ACKR3: variants seen among roughly 807,000 people sequenced by gnomAD.
The protein encoded by ACKR3 is atypical chemokine receptor 3, also known as C-X-C chemokine receptor type 7.
A neutral mutation model predicts 22.4 loss-of-function variants in ACKR3; 6 were observed. The ratio of observed to expected loss-of-function variants is 0.27; its 90% confidence interval spans 0.15 to 0.53. The LOEUF is 0.53. Ranked by LOEUF, ACKR3 falls within the 20% of genes least tolerant of loss-of-function variation. ACKR3 has a pLI of 0.96. For synonymous variants in ACKR3, 209 were observed against 205.2 expected, an observed-to-expected ratio of 1.02 and a Z score of -0.16; for missense variants, 396 against 475.2, an observed-to-expected ratio of 0.83 and a Z score of 1.55.
At chr2:236,579,909 C>T (rs1458683076) in intron 1 of ACKR3, among the ~76,000 whole-genome samples, 4 of 152,186 alleles carry the variant, frequency 2.6e-5, no homozygotes, top group Non-Finnish European at 5.9e-5. Context: ...AGTGCTGAGT[C>T]ACATTATAAA....
Position 236,581,753 on chromosome 2 carries a change from T to A in ACKR3, c.*199T>A. On this transcript the variant is annotated 3_prime_UTR_variant, in exon 2 of 2. Coordinates refer to ENST00000272928, the MANE Select transcript of ACKR3 (RefSeq NM_020311.3). This position sits in a 1 kb window ranked among gnomAD's most constrained non-coding sequence, Gnocchi z 4.4. ...ATTTGGCTGTGCGTGCTGACAGTTT[T>A]GCAACAGGCAGAGCTGTGTCGCACA... 1 of 667,098 alleles carries A rather than the reference T, an allele frequency of 1.5e-6. No individual in the cohort carries two copies. Among genetic ancestry groups the A allele is most frequent in the Non-Finnish European group, 2.5e-6 (1 of 403,904 alleles). 41.3% of individuals were successfully genotyped at this position (667,098 alleles called of 1,614,324 possible). A position where few individuals can be genotyped will look rare whatever the true frequency, so the allele number is the denominator to read the frequency against.
chr2:236,580,426 T>A lies in ACKR3; in HGVS notation c.-26-14T>A. 2 of 1,565,310 alleles carry A rather than the reference T, an allele frequency of 1.3e-6. No homozygotes were observed. The highest frequency in any genetic ancestry group is 1.7e-6 in the Non-Finnish European group (2 of 1,153,954). On this transcript the variant is annotated splice_polypyrimidine_tract_variant and intron_variant, in intron 1 of 1. Transcript: ENST00000272928. Reference sequence around the variant, plus strand: ...TCCTCTTCCATCTTTTTTGTTTGCTTGGTTTTCTCATAGGTCATTTGATTG... The same window carrying A: ...TCCTCTTCCATCTTTTTTGTTTGCTAGGTTTTCTCATAGGTCATTTGATTG...
At chr2:236,549,982 C>T in the ACKR3 span, among the ~76,000 whole-genome samples, 5,429 of 152,198 alleles carry the variant, frequency 0.036, 315 homozygotes, top group African/African-American at 0.12. The surrounding 1 kb of genome is among the most constrained non-coding windows in gnomAD (Gnocchi z 5.3). Flanking sequence ...ACTGTGAGGG[C>T]CTATGCTAAG....
intron 1 of ACKR3, among the ~76,000 whole-genome samples, chr2:236,572,393 G>C (rs1380078134): frequency 6.6e-6 from 1 of 152,222 alleles, no homozygotes; most frequent in African/African-American, 2.4e-5. Flanking sequence ...ACCACTGTTG[G>C]CAAAGGGACA....
At chr2:236,555,949 GA>G in the ACKR3 span, among the ~76,000 whole-genome samples, 4 of 152,128 alleles carry the variant, frequency 2.6e-5, no homozygotes. Context: ...AGCGTATTTA[GA>G]AACTAAGATC....
chr2:236,537,399 A>G, the ACKR3 span, among the ~76,000 whole-genome samples: 1 of 152,160 alleles, frequency 6.6e-6, no homozygotes, highest in Non-Finnish European at 1.5e-5. Flanking sequence ...GGCTCCATGA[A>G]TAGGCTTGGG....
the ACKR3 span, among the ~76,000 whole-genome samples, chr2:236,537,605 A>G: frequency 6.6e-6 from 1 of 152,210 alleles, no homozygotes; most frequent in African/African-American, 2.4e-5. Context: ...CTCTGTACAC[A>G]TTGAGACCTG....
At chr2:236,555,500 T>C in the ACKR3 span, among the ~76,000 whole-genome samples, 1 of 152,144 alleles carries the variant, frequency 6.6e-6, no homozygotes, top group Admixed American at 6.6e-5. Flanking sequence ...GAAATGGGAC[T>C]AGGAAAGAGA....
upstream of ACKR3, among the ~76,000 whole-genome samples, chr2:236,567,014 C>T (rs1202411644): frequency 1.3e-5 from 2 of 151,180 alleles, no homozygotes; most frequent in Admixed American, 6.6e-5. Flanking sequence ...CCCTTCCCTT[C>T]TTTTTCTTTT....
rs558720877 is a variant in ACKR3 at position 236,581,424 on chromosome 2, G to T, written c.959G>T (p.Arg320Leu). ...VNPVLYSFIN[R>L]NYRYELMKAF... The stretch of plus-strand genomic sequence containing the variant: ...CCTGTCCTCTACAGCTTCATCAATC[G>T]CAACTACAGGTACGAGCTGATGAAG... The change falls in exon 2 of 2, where the codon CGC (arginine) becomes CTC (leucine). Residue 320 changes from arginine to leucine, a missense_variant. Physicochemically the swap from Arg to Leu is moderately radical, Grantham distance 102. Transcript: ENST00000272928. This position sits in a 1 kb window ranked among gnomAD's most constrained non-coding sequence, Gnocchi z 4.4. 5 of 1,613,888 alleles carry T rather than the reference G, an allele frequency of 3.1e-6. No individual in the cohort carries two copies. The South Asian group carries it at 3.3e-5, about 11-fold the overall frequency.
At position 236,577,949 on chromosome 2, in the gene ACKR3, C is replaced by T. The variant is rs999754074; in HGVS notation, c.-26-2491C>T. ...GCGGTCCTCCATTCAAGCTCCTCTG[C>T]TCCCCGGGACTCTGGGGTCAGATGA... On this transcript the variant is annotated intron_variant, in intron 1 of 1. Transcript: ENST00000272928. This position sits in a 1 kb window ranked among gnomAD's most constrained non-coding sequence, Gnocchi z 5.6. Among the ~76,000 whole-genome samples the T allele has an allele frequency of 8.5e-5, 13 of 152,322 alleles. No individual in the cohort carries two copies. The East Asian group carries it at 2.1e-3, about 25-fold the overall frequency.
At chr2:236,560,314 G>T in the ACKR3 span, among the ~76,000 whole-genome samples, 5 of 126,926 alleles carry the variant, frequency 3.9e-5, no homozygotes, top group East Asian at 2.1e-4. Flanking sequence ...AGCACTTGTT[G>T]CCTTTTTTTT....
rs753805493 is a variant in ACKR3, at chr2:236,581,469, C to T, written c.1004C>T (p.Ser335Leu). Reference protein sequence around the residue: ...ELMKAFIFKYSAKTGLTKLID... With the variant: ...ELMKAFIFKYLAKTGLTKLID... Reference sequence around the variant, plus strand: ...ATGAAGGCCTTCATCTTCAAGTACTCGGCCAAAACAGGGCTCACCAAGCTC... The same window carrying T: ...ATGAAGGCCTTCATCTTCAAGTACTTGGCCAAAACAGGGCTCACCAAGCTC... The change falls in exon 2 of 2, where the codon TCG becomes TTG. Residue 335 changes from serine to leucine, a missense_variant. Transcript: ENST00000272928. This position sits in a 1 kb window ranked among gnomAD's most constrained non-coding sequence, Gnocchi z 4.4. The T allele has an allele frequency of 3.1e-6, 5 of 1,614,052 alleles. No homozygotes were observed. Among genetic ancestry groups the T allele is most frequent in the African/African-American group, 2.7e-5 (2 of 74,928 alleles).
chr2:236,549,993 G>A, the ACKR3 span, among the ~76,000 whole-genome samples: 1 of 152,182 alleles, frequency 6.6e-6, no homozygotes, highest in Non-Finnish European at 1.5e-5. The surrounding 1 kb of genome is among the most constrained non-coding windows in gnomAD (Gnocchi z 5.3). Flanking sequence ...CTATGCTAAG[G>A]CTGCCTGCTG....
At chr2:236,544,667 A>T in the ACKR3 span, among the ~76,000 whole-genome samples, 1 of 152,154 alleles carries the variant, frequency 6.6e-6, no homozygotes, top group Non-Finnish European at 1.5e-5. This position sits in a 1 kb window ranked among gnomAD's most constrained non-coding sequence, Gnocchi z 5.0. Flanking sequence ...GGTCCCCGGG[A>T]TTCTGGGCTG....
chr2:236,548,170 T>G, the ACKR3 span, among the ~76,000 whole-genome samples: 1 of 152,236 alleles, frequency 6.6e-6, no homozygotes, highest in Non-Finnish European at 1.5e-5. The surrounding 1 kb of genome is among the most constrained non-coding windows in gnomAD (Gnocchi z 4.3). Context: ...ATCCTGCTGT[T>G]TGTTGTTCCT....
rs201423512 is a variant in ACKR3 at position 236,581,327 on chromosome 2, C to T, written c.862C>T (p.Arg288Trp). 7.1e-5 allele frequency: 115 copies of T among 1,613,800 alleles called. No individual in the cohort carries two copies. The highest frequency in any genetic ancestry group is 3.7e-4 in the Admixed American group (22 of 60,012). ...CCTGCACTACATCCCTTTCACCTGC[C>T]GGCTGGAGCACGCCCTCTTCACGGC... ...SILHYIPFTC[R>W]LEHALFTALH... Residue 288 changes from arginine to tryptophan, a missense_variant, in exon 2 of 2, where the codon CGG becomes TGG. Arg to Trp is a moderately radical substitution (Grantham distance 101). Transcript: ENST00000272928. This position sits in a 1 kb window ranked among gnomAD's most constrained non-coding sequence, Gnocchi z 4.4.
chr2:236,570,621 G>T (rs1691289754), intron 1 of ACKR3, among the ~76,000 whole-genome samples: 1 of 152,152 alleles, frequency 6.6e-6, no homozygotes, highest in East Asian at 1.9e-4. Flanking sequence ...CTTCAATTGG[G>T]GTTGGGGGAA....
At chr2:236,547,552 C>T in the ACKR3 span, among the ~76,000 whole-genome samples, 1 of 152,140 alleles carries the variant, frequency 6.6e-6, no homozygotes, top group African/African-American at 2.4e-5. Context: ...GTAGTGGAAC[C>T]TTTTGAGAAG....
Sources: allele counts gnomAD v4.1 joint callset (sites outside exome capture counted in the v4.1 genomes callset), GRCh38; gene constraint gnomAD v4.1.1; non-coding constraint Gnocchi (gnomAD v3.1); transcripts MANE v1.5; gene names NCBI Gene and HGNC (gene_info 2026-07-23, HGNC 2026-07-21).